Variants in VWF observed in about 807,000 individuals in gnomAD.
VWF encodes the protein von Willebrand factor.
A neutral mutation model predicts 308.6 loss-of-function variants in VWF; 176 were observed. The ratio of observed to expected loss-of-function variants is 0.57; its 90% CI spans 0.50 to 0.65. The LOEUF is 0.65. VWF is among the 30% of genes least tolerant of loss of function. The probability of loss-of-function intolerance (pLI) is 0.00; values close to 1 mark genes in which losing one functional copy is unlikely to be tolerated. For missense variants in VWF, 3,146 were observed against 3,648.2 expected, an observed-to-expected ratio of 0.86 and a Z score of 3.55; for synonymous variants, 1,385 against 1,443.4, an observed-to-expected ratio of 0.96 and a Z score of 0.92.
In VWF at chr12:6,063,437, C is replaced by T. The variant is rs1050227776; in HGVS notation, c.1433-383G>A. Among the ~76,000 whole-genome samples the T allele has an allele frequency of 6.6e-6, 1 of 152,190 alleles. No homozygotes were observed. ...CCTGGGACACTCTGCCACTGCACAC[C>T]ACCTCATGTCTGAGCGATGCTGTGT... is the stretch of plus-strand genomic sequence containing the variant. On this transcript the variant is annotated intron_variant, in intron 12 of 51. Coordinates refer to ENST00000261405, the MANE Select transcript of VWF (RefSeq NM_000552.5). This position sits in a 1 kb window ranked among gnomAD's most constrained non-coding sequence, Gnocchi z 4.9.
intron 45 of VWF, among the ~76,000 whole-genome samples, chr12:5,968,471 A>T (rs140410737): frequency 1.3e-5 from 2 of 152,278 alleles, no homozygotes; most frequent in East Asian, 1.9e-4. Context: ...TTTATGAAAC[A>T]ATGAAACGCT....
intron 22 of VWF, among the ~76,000 whole-genome samples, chr12:6,028,434 G>A (rs187659156): frequency 7.9e-4 from 120 of 152,200 alleles, no homozygotes; most frequent in Admixed American, 1.2e-3. Flanking sequence ...TCCTCAAGAA[G>A]AGCAACCCCA....
In VWF at chr12:6,101,683, G is replaced by C. The variant is rs530415953; in HGVS notation, c.533-6099C>G. On this transcript the variant is annotated intron_variant, in intron 5 of 51. Coordinates refer to ENST00000261405, the MANE Select transcript of VWF (RefSeq NM_000552.5). ...CCCAGTTATTCAGGAGGCTGAGGCA[G>C]GACAATTGCTTGAACCCGGCAGGCG... 2.0e-5 allele frequency among the ~76,000 whole-genome samples: 3 copies of C among 152,246 alleles called. No individual in the cohort carries two copies. In the East Asian group the frequency reaches 5.8e-4, roughly 29 times the overall value.
At position 6,044,331 on chromosome 12, in the gene VWF, C is replaced by G; in HGVS notation, c.2402G>C (p.Ser801Thr). 6.2e-7 allele frequency: 1 copy of G among 1,614,228 alleles called. No homozygotes were observed. Among genetic ancestry groups the G allele is most frequent in the Non-Finnish European group, 8.5e-7 (1 of 1,180,042 alleles). Residue 801 changes from serine (S) to threonine (T), a missense_variant, in exon 18 of 52, where the codon AGC (serine) becomes ACC (threonine). Around this residue, in one of 3 missense-constraint regions of VWF, gnomAD observed 1,304 missense variants for 1,353.0 expected, o/e 0.96. Transcript: ENST00000261405. ...GAGGCAGCCAGAGACACAGCCCATG[C>G]TCATGCACTCCAGGTCATAGTTCTG... The part of the protein sequence containing the change: ...TCQNYDLECM[S>T]MGCVSGCLCP...
At chr12:6,114,566 G>A (rs776346579) in intron 3 of VWF, among the ~76,000 whole-genome samples, 15 of 152,244 alleles carry the variant, frequency 9.9e-5, no homozygotes, top group East Asian at 1.9e-4. Context: ...CACACAGGCT[G>A]CGGGGCTCGG....
intron 20 of VWF, among the ~76,000 whole-genome samples, chr12:6,031,926 C>T (rs1348203363): frequency 6.6e-6 from 1 of 152,172 alleles, no homozygotes; most frequent in Non-Finnish European, 1.5e-5. Context: ...CCACTGGAGC[C>T]TTGCCTAGAG....
intron 42 of VWF, among the ~76,000 whole-genome samples, chr12:5,976,980 GC>G (rs1943540997): frequency 6.6e-6 from 1 of 152,168 alleles, no homozygotes; most frequent in African/African-American, 2.4e-5. Context: ...TCCCAAGTAT[GC>G]CCTCCAAAGT....
chr12:5,994,193 A>T lies in VWF; in HGVS notation c.6267T>A (p.Asp2089Glu). 1 of 1,614,036 alleles carries T rather than the reference A, an allele frequency of 6.2e-7. No individual in the cohort carries two copies. Among genetic ancestry groups the T allele is most frequent in the Non-Finnish European group, 8.5e-7 (1 of 1,179,954 alleles). Reference protein sequence around the residue: ...SKTYGLCGICDENGANDFMLR... With the variant: ...SKTYGLCGICEENGANDFMLR... ...GCATGAAGTCATTGGCTCCGTTCTC[A>T]TCACAGATCCCTAGAGAAACAAACA... is the stretch of plus-strand genomic sequence containing the variant. The change falls in exon 37 of 52, where the codon GAT (aspartate) becomes GAA (glutamate). Residue 2089 changes from aspartate (D) to glutamate (E), a missense_variant. Asp to Glu is a conservative substitution (Grantham distance 45, BLOSUM62 2). Around this residue, in one of 3 missense-constraint regions of VWF, gnomAD observed 989 missense variants for 1,117.4 expected, o/e 0.89. Coordinates refer to ENST00000261405, the MANE Select transcript of VWF (RefSeq NM_000552.5).
intron 13 of VWF, among the ~76,000 whole-genome samples, chr12:6,061,896 C>T (rs1944658568): frequency 1.3e-5 from 2 of 152,192 alleles, no homozygotes; most frequent in East Asian, 1.9e-4. Flanking sequence ...ATATGAGAAC[C>T]CAGCTGTCTC....
At chr12:5,972,611 C>G (rs888616146) in intron 43 of VWF, among the ~76,000 whole-genome samples, 1 of 152,134 alleles carries the variant, frequency 6.6e-6, no homozygotes, top group African/African-American at 2.4e-5. Context: ...TCTCTCTGGA[C>G]GGTCTCAACA....
chr12:5,967,112 T>C (rs981849719), intron 47 of VWF, among the ~76,000 whole-genome samples: 2 of 152,092 alleles, frequency 1.3e-5, no homozygotes, highest in African/African-American at 4.8e-5. Context: ...GTGTAGAGCC[T>C]TGCACATAGG....
At chr12:5,988,484 T>G (rs1943704014) in intron 38 of VWF, among the ~76,000 whole-genome samples, 1 of 152,118 alleles carries the variant, frequency 6.6e-6, no homozygotes, top group Admixed American at 6.5e-5. Context: ...TTTTCTCTCC[T>G]TTTAAACGCA....
chr12:6,001,442 A>G (rs192399803), intron 34 of VWF, among the ~76,000 whole-genome samples: 7 of 152,358 alleles, frequency 4.6e-5, no homozygotes, highest in Admixed American at 2.0e-4. Context: ...TCAAACAATA[A>G]GAAAACAGGG....
intron 6 of VWF, among the ~76,000 whole-genome samples, chr12:6,092,738 G>A (rs969553353): frequency 6.6e-6 from 1 of 151,502 alleles, no homozygotes; most frequent in African/African-American, 2.4e-5. Flanking sequence ...GATTTACAGA[G>A]GCTGTGCACA....
intron 5 of VWF, among the ~76,000 whole-genome samples, chr12:6,108,099 G>T (rs571098075): frequency 1.3e-5 from 2 of 151,872 alleles, no homozygotes; most frequent in East Asian, 3.9e-4. Flanking sequence ...TTCAAGACTA[G>T]CCTGGCCAAC....
At chr12:5,997,114 T>C (rs554986146) in intron 34 of VWF, among the ~76,000 whole-genome samples, 25 of 152,212 alleles carry the variant, frequency 1.6e-4, no homozygotes, top group Admixed American at 1.3e-4. Context: ...CCTCTCCCTA[T>C]GGGGGTTACT....
chr12:6,075,698 A>T lies in VWF; in HGVS notation c.658-147T>A. 1 of 841,264 alleles carries T rather than the reference A, an allele frequency of 1.2e-6. No individual in the cohort carries two copies. The highest frequency in any genetic ancestry group is 2.0e-6 in the Non-Finnish European group (1 of 508,444). The allele number at this position is 841,264 out of a possible 1,614,324, so 52.1% of individuals were successfully genotyped here. ...CCAAGCACATGCATGTGTTCAATGC[A>T]CCAGCCCATCGACCAAGGAAAAGAT... On this transcript the variant is annotated intron_variant, in intron 6 of 51. Transcript: ENST00000261405. The surrounding 1 kb of genome is among the most constrained non-coding windows in gnomAD (Gnocchi z 4.7).
At position 6,057,931 on chromosome 12, in the gene VWF, G is replaced by T; in HGVS notation, c.1647C>A (p.Phe549Leu). 6.2e-7 allele frequency: 1 copy of T among 1,613,686 alleles called. No homozygotes were observed. Among genetic ancestry groups the T allele is most frequent in the Non-Finnish European group, 8.5e-7 (1 of 1,179,994 alleles). Reference protein sequence around the residue: ...SGLAEPRVEDFGNAWKLHGDC... With the variant: ...SGLAEPRVEDLGNAWKLHGDC... ...CCCCGTGCAGCTTCCAGGCGTTCCC[G>T]AAGTCCTCCACCCGGGGCTCCGCCA... is the stretch of plus-strand genomic sequence containing the variant. Residue 549 changes from phenylalanine to leucine, a missense_variant, in exon 14 of 52, where the codon TTC (phenylalanine) becomes TTA (leucine). By Grantham distance (22) the Phe-to-Leu change is conservative. Transcript: ENST00000261405.
At chr12:6,093,424 C>A (rs545083859) in intron 6 of VWF, among the ~76,000 whole-genome samples, 33 of 152,178 alleles carry the variant, frequency 2.2e-4, no homozygotes, top group Non-Finnish European at 4.0e-4. Flanking sequence ...CAGCTGAGGC[C>A]CCGCTGAAGC....
Sources: gnomAD v4.1 joint callset for allele counts (sites outside exome capture counted in the v4.1 genomes callset) on GRCh38, gnomAD v4.1.1 for gene constraint, gnomAD v4.1.1 regional missense constraint, Gnocchi (gnomAD v3.1) non-coding constraint, MANE v1.5 for transcripts, NCBI Gene and HGNC (gene_info 2026-07-23, HGNC 2026-07-21) for gene names.